The following TRDN variants were observed in gnomAD, a reference collection of about 807,000 sequenced individuals.
The protein encoded by TRDN is triadin, also known as triadin in skeletal muscle.
TRDN carries 161 observed loss-of-function variants against 149.7 expected under a neutral mutation model. That is an observed-to-expected ratio of 1.08 (90% CI 0.95 to 1.23). The LOEUF is 1.23. Among genes scored for constraint, TRDN ranks in the 50% most tolerant of loss-of-function variants. The pLI is 0.00. For missense variants in TRDN, 896 were observed against 823.5 expected (o/e 1.09, Z -1.08); for synonymous variants, 294 against 250.5 (o/e 1.17, Z -1.64).
At chr6:123,457,489 G>A in intron 10 of TRDN, 1 of 374,346 alleles carries the variant, frequency 2.7e-6, no homozygotes, top group South Asian at 2.1e-5. Flanking sequence ...AGAGATACAA[G>A]TTTCTTGTCT....
intron 21 of TRDN, among the ~76,000 whole-genome samples, chr6:123,344,084 G>A (rs979147424): frequency 6.6e-6 from 1 of 152,006 alleles, no homozygotes; most frequent in Non-Finnish European, 1.5e-5. Context: ...CTAGCAGCCT[G>A]ATTTTAGGCT....
intron 20 of TRDN, among the ~76,000 whole-genome samples, chr6:123,354,166 G>A (rs577214757): frequency 6.6e-6 from 1 of 151,872 alleles, no homozygotes; most frequent in South Asian, 2.1e-4. Flanking sequence ...CACAATTCTG[G>A]TTATTCTAAG....
At chr6:123,378,038 G>C in intron 16 of TRDN, 140 bp from the exon 17 acceptor site, 1 of 561,284 alleles carries the variant, frequency 1.8e-6, no homozygotes, top group Non-Finnish European at 3.0e-6. Context: ...ACATAAAAAG[G>C]CTAAGATTAT....
intron 10 of TRDN, chr6:123,457,405 T>C (rs1562324001): frequency 3.0e-6 from 1 of 333,434 alleles, no homozygotes; most frequent in Non-Finnish European, 5.8e-6. Flanking sequence ...TTAATTGTTT[T>C]CACAAAAGGT....
chr6:123,503,693 G>A (rs369589621), intron 8 of TRDN, 26 bp downstream of exon 8: 24 of 1,612,594 alleles, frequency 1.5e-5, no homozygotes, highest in African/African-American at 8.0e-5. Context: ...TAGAACCTCC[G>A]GCAGCCTCCT....
chr6:123,307,954 T>C (rs1778674452), intron 24 of TRDN, among the ~76,000 whole-genome samples: 1 of 152,036 alleles, frequency 6.6e-6, no homozygotes. Flanking sequence ...AATGATCCCA[T>C]CAGCAAGGTA....
intron 21 of TRDN, among the ~76,000 whole-genome samples, chr6:123,338,431 C>T (rs1779951290): frequency 6.6e-6 from 1 of 152,142 alleles, no homozygotes; most frequent in Admixed American, 6.6e-5. Flanking sequence ...ACCTGCTAAT[C>T]TAGTGACACC....
chr6:123,447,818 T>C (rs1775484698), intron 10 of TRDN, among the ~76,000 whole-genome samples: 1 of 149,414 alleles, frequency 6.7e-6, no homozygotes, highest in East Asian at 2.0e-4. Context: ...CCAGATCAAC[T>C]GCAAGAACAA....
At chr6:123,541,301 T>C (rs1260052116) in intron 4 of TRDN, among the ~76,000 whole-genome samples, 1 of 152,196 alleles carries the variant, frequency 6.6e-6, no homozygotes, top group African/African-American at 2.4e-5. Flanking sequence ...CAGGCTCTGG[T>C]TTGACCCACC....
chr6:123,336,673 GAATT>G (rs1311198836), intron 22 of TRDN, among the ~76,000 whole-genome samples: 2 of 151,564 alleles, frequency 1.3e-5, no homozygotes, highest in African/African-American at 2.4e-5. Context: ...TCTAGTATCT[GAATT>G]AATTACATCA....
At chr6:123,435,849 G>A (rs1259469409) in intron 12 of TRDN, among the ~76,000 whole-genome samples, 1 of 152,002 alleles carries the variant, frequency 6.6e-6, no homozygotes, top group African/African-American at 2.4e-5. Flanking sequence ...TGCCAGTGGT[G>A]CACAACCTCA....
intron 24 of TRDN, among the ~76,000 whole-genome samples, chr6:123,307,512 G>T (rs1459979254): frequency 6.6e-6 from 1 of 151,944 alleles, no homozygotes; most frequent in Non-Finnish European, 1.5e-5. Flanking sequence ...AGTAGTTTGT[G>T]CATTTTCTTC....
rs1026038489 is a variant in TRDN, at chr6:123,217,168, C to T, written c.*1433G>A. The stretch of plus-strand genomic sequence containing the variant: ...GTGGTCCACCAGCTTTTGGCAGAGA[C>T]CAACTTCTTTCACAAAAGTCTCCAA... On this transcript the variant is annotated 3_prime_UTR_variant, in exon 41 of 41. Coordinates refer to ENST00000334268, the MANE Select transcript of TRDN (RefSeq NM_006073.4). The T allele has an allele frequency of 6.6e-6, 1 of 151,904 alleles. No homozygotes were observed. The highest frequency in any genetic ancestry group is 2.4e-5 in the African/African-American group (1 of 41,390). 9.4% of individuals were successfully genotyped at this position (151,904 alleles called of 1,614,324 possible).
intron 38 of TRDN, among the ~76,000 whole-genome samples, chr6:123,243,685 A>AAAATCAAGTAAAAGG (rs1776071387): frequency 6.6e-6 from 1 of 152,138 alleles, no homozygotes; most frequent in Non-Finnish European, 1.5e-5. Context: ...CAAGTAAAAG[A>AAAATCAAGTAAAAGG]AAGAAAAATC....
intron 9 of TRDN, among the ~76,000 whole-genome samples, chr6:123,466,695 G>A (rs558187068): frequency 2.6e-5 from 4 of 151,872 alleles, no homozygotes; most frequent in Admixed American, 2.0e-4. Flanking sequence ...ATAATTTTAA[G>A]GTACGGTGGT....
At chr6:123,223,432 C>T (rs1016562159) in intron 39 of TRDN, among the ~76,000 whole-genome samples, 14 of 151,786 alleles carry the variant, frequency 9.2e-5, no homozygotes, top group African/African-American at 3.4e-4. Context: ...TACCCCTAAA[C>T]CTAAAGTAAA....
chr6:123,320,079 A>G (rs965473950), intron 23 of TRDN, among the ~76,000 whole-genome samples: 1 of 152,106 alleles, frequency 6.6e-6, no homozygotes, highest in Non-Finnish European at 1.5e-5. Flanking sequence ...TTATTTTCAG[A>G]ATGCCTCTAT....
At chr6:123,261,139 T>C (rs927314143) in intron 33 of TRDN, among the ~76,000 whole-genome samples, 3 of 151,610 alleles carry the variant, frequency 2.0e-5, no homozygotes, top group Admixed American at 6.6e-5. Flanking sequence ...TAAAATGAAA[T>C]GTAAAAAATT....
At chr6:123,437,437 TC>T in intron 12 of TRDN, 1 of 294,890 alleles carries the variant, frequency 3.4e-6, no homozygotes, top group South Asian at 3.2e-5. Flanking sequence ...AGGGTCTTCC[TC>T]TGCTACCCAG....
Sources: gnomAD v4.1 joint callset for allele counts (sites outside exome capture counted in the v4.1 genomes callset) on GRCh38, gnomAD v4.1.1 for gene constraint, MANE v1.5 for transcripts, NCBI Gene and HGNC (gene_info 2026-07-23, HGNC 2026-07-21) for gene names.